GABRA2: variants seen among roughly 807,000 people sequenced by gnomAD.
The protein encoded by GABRA2 is gamma-aminobutyric acid type A receptor subunit alpha2.
A neutral mutation model predicts 48.7 loss-of-function variants in GABRA2; 16 were observed. The ratio of observed to expected loss-of-function variants is 0.33; its 90% confidence interval spans 0.22 to 0.50. The LOEUF is 0.50. GABRA2 is among the 20% of genes least tolerant of loss of function. GABRA2 has a pLI of 0.98. For missense variants in GABRA2, 275 were observed against 535.6 expected, an observed-to-expected ratio of 0.51 and a Z score of 4.80; for synonymous variants, 185 against 184.5, an observed-to-expected ratio of 1.00 and a Z score of -0.02.
At chr4:46,313,805 T>C (rs1419563775) in intron 4 of GABRA2, among the ~76,000 whole-genome samples, 11 of 152,120 alleles carry the variant, frequency 7.2e-5, no homozygotes, top group Non-Finnish European at 1.6e-4. Flanking sequence ...CACAAAACCA[T>C]AGTCATTACA....
At chr4:46,273,380 CTGTG>C (rs35001945) in intron 8 of GABRA2, among the ~76,000 whole-genome samples, 14 of 144,748 alleles carry the variant, frequency 9.7e-5, no homozygotes, top group African/African-American at 2.3e-4. Flanking sequence ...CTCTCTCCCT[CTGTG>C]TGTGTGTGTG....
rs934263262 is a variant in GABRA2 at position 46,246,257 on chromosome 4, C to T, written c.*4051G>A. 6.6e-6 allele frequency among the ~76,000 whole-genome samples: 1 copy of T among 150,740 alleles called. No individual in the cohort carries two copies. Among genetic ancestry groups the T allele is most frequent in the African/African-American group, 2.4e-5 (1 of 41,256 alleles). On this transcript the variant is annotated 3_prime_UTR_variant, in exon 10 of 10. Transcript: ENST00000381620. ...GTTTCTTCTTTTCAGTAATTCTGAG[C>T]TCTTAAATACTGATGGAAAATATTA...
At chr4:46,350,063 T>C (rs530064976) in intron 3 of GABRA2, among the ~76,000 whole-genome samples, 7 of 151,990 alleles carry the variant, frequency 4.6e-5, no homozygotes, top group Admixed American at 1.3e-4. Context: ...AAAATTTATC[T>C]TCATGATCCC....
intron 8 of GABRA2, among the ~76,000 whole-genome samples, chr4:46,286,743 C>T (rs1204555772): frequency 1.3e-5 from 2 of 152,046 alleles, no homozygotes; most frequent in East Asian, 3.9e-4. Flanking sequence ...CAGTTGTATA[C>T]TTCCTTTTGT....
chr4:46,262,766 C>CA (rs927733599), intron 8 of GABRA2, among the ~76,000 whole-genome samples: 8 of 151,876 alleles, frequency 5.3e-5, no homozygotes, highest in Non-Finnish European at 1.0e-4. Flanking sequence ...AGCGTGGTGG[C>CA]AGGTGCCTGT....
chr4:46,267,123 C>G (rs1032919567), intron 8 of GABRA2, among the ~76,000 whole-genome samples: 4 of 152,042 alleles, frequency 2.6e-5, no homozygotes, highest in African/African-American at 9.7e-5. Context: ...GTCTCACAGA[C>G]TTTGATTAAT....
At chr4:46,374,779 C>T (rs911871179) in intron 3 of GABRA2, among the ~76,000 whole-genome samples, 1 of 151,754 alleles carries the variant, frequency 6.6e-6, no homozygotes, top group Non-Finnish European at 1.5e-5. Flanking sequence ...CGTTTTAAAT[C>T]AAATTATTAA....
intron 3 of GABRA2, chr4:46,368,788 T>C (rs1714441422): frequency 2.4e-6 from 1 of 419,870 alleles, no homozygotes; most frequent in Admixed American, 4.0e-5. Context: ...GAAAAATAAT[T>C]GGAATATCTG....
intron 8 of GABRA2, among the ~76,000 whole-genome samples, chr4:46,290,688 A>G (rs1412899896): frequency 6.6e-6 from 1 of 152,146 alleles, no homozygotes; most frequent in Non-Finnish European, 1.5e-5. Flanking sequence ...TGGCATATAT[A>G]TAATACAGGA....
intron 3 of GABRA2, among the ~76,000 whole-genome samples, chr4:46,338,399 GA>G (rs1374724054): frequency 2.0e-5 from 3 of 151,654 alleles, no homozygotes; most frequent in South Asian, 2.1e-4. Context: ...GCATATTTAG[GA>G]AAAAAACTTA....
chr4:46,330,277 C>G lies in GABRA2; in HGVS notation c.255+2338G>C, dbSNP rs1578073462. Among the ~76,000 whole-genome samples, 3 of 152,064 alleles carry G rather than the reference C, an allele frequency of 2.0e-5. No individual in the cohort carries two copies. In the South Asian group the frequency reaches 6.2e-4, roughly 32 times the overall value. On this transcript the variant is annotated intron_variant, in intron 4 of 9. Transcript: ENST00000381620. ...TCTTGGGTTCAATTTACAGATAAAG[C>G]ACAGCTGTTTTTAGTTCAATTCAGA... is the stretch of plus-strand genomic sequence containing the variant.
chr4:46,276,136 G>T (rs1247167660), intron 8 of GABRA2, among the ~76,000 whole-genome samples: 1 of 152,024 alleles, frequency 6.6e-6, no homozygotes, highest in Non-Finnish European at 1.5e-5. Context: ...CTATTCTCTT[G>T]AAACACTTGA....
At chr4:46,320,963 T>C (rs569536599) in intron 4 of GABRA2, among the ~76,000 whole-genome samples, 2 of 152,068 alleles carry the variant, frequency 1.3e-5, no homozygotes, top group South Asian at 2.1e-4. Context: ...ATACCCAATA[T>C]ACAAAAACAA....
At chr4:46,270,995 A>T (rs896580873) in intron 8 of GABRA2, among the ~76,000 whole-genome samples, 3 of 35,828 alleles carry the variant, frequency 8.4e-5, no homozygotes, top group East Asian at 9.3e-4. Flanking sequence ...CCTACTATAT[A>T]AAAAAAAAAA....
chr4:46,368,725 C>A lies in GABRA2; in HGVS notation c.187+17349G>T, dbSNP rs1714435010. The A allele has an allele frequency of 7.5e-6, 3 of 401,992 alleles. No individual in the cohort carries two copies. The South Asian group carries it at 2.3e-4, about 31-fold the overall frequency. 24.9% of individuals were successfully genotyped at this position (401,992 alleles called of 1,614,324 possible). A position where few individuals can be genotyped will look rare whatever the true frequency, so the allele number is the denominator to read the frequency against. ...TTTGATTTAAATGAAAATTGGTTGA[C>A]CTTTAAGACTGAAGAAAACTTTCTA... is the stretch of plus-strand genomic sequence containing the variant. On this transcript the variant is annotated intron_variant, in intron 3 of 9. Coordinates refer to ENST00000381620, the MANE Select transcript of GABRA2 (RefSeq NM_000807.4).
At chr4:46,332,204 T>C (rs1209476027) in intron 4 of GABRA2, among the ~76,000 whole-genome samples, 1 of 152,038 alleles carries the variant, frequency 6.6e-6, no homozygotes, top group Admixed American at 6.6e-5. Context: ...GGGTTTTTTG[T>C]TGTTGTTGTT....
rs191487678 is a variant in GABRA2 at position 46,315,219 on chromosome 4, A to G, written c.256-2503T>C. On this transcript the variant is annotated intron_variant, in intron 4 of 9. Transcript: ENST00000381620. The stretch of plus-strand genomic sequence containing the variant: ...GTATCTCATTGTGGTTTTGATTTCC[A>G]TTTCTCTGATGATTGGTGATGTGAA... Among the ~76,000 whole-genome samples, 24 of 144,344 alleles carry G rather than the reference A, an allele frequency of 1.7e-4. No homozygotes were observed. In the East Asian group the frequency reaches 4.6e-3, roughly 27 times the overall value. 94.7% of individuals were successfully genotyped at this position (144,344 alleles called of 152,430 possible).
At chr4:46,388,742 C>T in intron 1 of GABRA2, 26 bp from the exon 2 acceptor site, 1 of 1,612,710 alleles carries the variant, frequency 6.2e-7, no homozygotes, top group Non-Finnish European at 8.5e-7. Flanking sequence ...GAATGAAAAA[C>T]AAAATACACT....
At chr4:46,305,083 T>C (rs1726430920) in intron 7 of GABRA2, among the ~76,000 whole-genome samples, 3 of 152,002 alleles carry the variant, frequency 2.0e-5, no homozygotes, top group Admixed American at 1.3e-4. Flanking sequence ...ATGTAGATTC[T>C]GATTTAATAA....
Sources: allele counts gnomAD v4.1 joint callset (sites outside exome capture counted in the v4.1 genomes callset), GRCh38; gene constraint gnomAD v4.1.1; transcripts MANE v1.5; gene names NCBI Gene and HGNC (gene_info 2026-07-23, HGNC 2026-07-21).